The following CARMIL1 variants were observed in gnomAD, a reference collection of about 807,000 sequenced individuals.
The protein encoded by CARMIL1 is F-actin-uncapping protein LRRC16A.
A neutral mutation model predicts 177.1 loss-of-function variants in CARMIL1; 90 were observed. The observed-to-expected ratio is 0.51, with a 90% CI of 0.43 to 0.61. The LOEUF is 0.61. CARMIL1 is among the 20% of genes least tolerant of loss of function. The pLI, the probability that CARMIL1 is intolerant of heterozygous loss-of-function variation, is 0.00. For synonymous variants in CARMIL1, 577 were observed against 606.2 expected (o/e 0.95, Z 0.71); for missense variants, 1,380 against 1,667.0 (o/e 0.83, Z 3.00).
intron 2 of CARMIL1, among the ~76,000 whole-genome samples, chr6:25,370,903 C>A (rs1329381941): frequency 1.3e-5 from 2 of 151,460 alleles, no homozygotes; most frequent in Non-Finnish European, 2.9e-5. Context: ...TTTTTTTATC[C>A]CTCATCTCTC....
chr6:25,591,731 A>C (rs927873940), intron 31 of CARMIL1, among the ~76,000 whole-genome samples: 2 of 152,176 alleles, frequency 1.3e-5, no homozygotes, highest in Non-Finnish European at 2.9e-5. Context: ...TAACAGATGC[A>C]TTTTAAACCA....
At chr6:25,612,641 GC>G in intron 36 of CARMIL1, 1 of 573,434 alleles carries the variant, frequency 1.7e-6, no homozygotes, top group Non-Finnish European at 2.2e-6. Flanking sequence ...GGGTGGGTAA[GC>G]TGATATTTAA....
chr6:25,504,126 T>G (rs887851196), intron 17 of CARMIL1, among the ~76,000 whole-genome samples: 7 of 152,172 alleles, frequency 4.6e-5, no homozygotes, highest in African/African-American at 1.7e-4. Flanking sequence ...TGATCCAGAT[T>G]TAGTTCTTCT....
At chr6:25,310,466 A>C (rs1783707569) in intron 2 of CARMIL1, among the ~76,000 whole-genome samples, 1 of 152,220 alleles carries the variant, frequency 6.6e-6, no homozygotes, top group Non-Finnish European at 1.5e-5. Context: ...CTAAAATAGA[A>C]TAGTAGATGT....
rs149663004 is a variant in CARMIL1 at position 25,345,677 on chromosome 6, C to T, written c.138+60768C>T. ...TGTTGCCCAGGCTTGAGTGCAGTGG[C>T]GTGATTTCCGCTCACTGCAACCTCC... is the stretch of plus-strand genomic sequence containing the variant. On this transcript the variant is annotated intron_variant, in intron 2 of 36. Transcript: ENST00000329474. 6.5e-3 allele frequency among the ~76,000 whole-genome samples: 989 copies of T among 152,244 alleles called. 10 individuals are homozygous for T. Among genetic ancestry groups the T allele is most frequent in the African/African-American group, 0.022 (895 of 41,538 alleles).
chr6:25,497,742 G>A (rs1803881068), intron 16 of CARMIL1, among the ~76,000 whole-genome samples: 2 of 152,142 alleles, frequency 1.3e-5, no homozygotes. Flanking sequence ...TTTTGAGACA[G>A]CGCTTTAAGT....
At chr6:25,444,142 C>A (rs1170738033) in intron 5 of CARMIL1, among the ~76,000 whole-genome samples, 1 of 152,140 alleles carries the variant, frequency 6.6e-6, no homozygotes. Context: ...AGGTTTACCA[C>A]ATCAATTGAC....
intron 36 of CARMIL1, among the ~76,000 whole-genome samples, chr6:25,614,380 G>T (rs1024881759): frequency 2.6e-5 from 4 of 152,200 alleles, no homozygotes; most frequent in Admixed American, 2.6e-4. Context: ...TACTTTTATA[G>T]AGTATCCTAT....
At chr6:25,427,454 G>A (rs759632765) in intron 4 of CARMIL1, among the ~76,000 whole-genome samples, 2 of 152,040 alleles carry the variant, frequency 1.3e-5, no homozygotes, top group African/African-American at 2.4e-5. Context: ...TTATCCATTC[G>A]CCTGATGTGA....
At chr6:25,439,590 T>C (rs1208517657) in intron 5 of CARMIL1, among the ~76,000 whole-genome samples, 3 of 152,116 alleles carry the variant, frequency 2.0e-5, no homozygotes, top group Admixed American at 6.5e-5. Context: ...ATGCTGGGGC[T>C]GAATAAGCTG....
chr6:25,300,473 C>T (rs368932749), intron 2 of CARMIL1, among the ~76,000 whole-genome samples: 15 of 152,048 alleles, frequency 9.9e-5, no homozygotes, highest in African/African-American at 3.1e-4. Flanking sequence ...TCGAGACCAG[C>T]CTGGCCAACA....
Position 25,482,283 on chromosome 6 carries a change from G to T in CARMIL1, c.901G>T (p.Ala301Ser). 6.3e-7 allele frequency: 1 copy of T among 1,587,946 alleles called. No homozygotes were observed. Among genetic ancestry groups the T allele is most frequent in the Non-Finnish European group, 8.6e-7 (1 of 1,164,240 alleles). The change falls in exon 12 of 37, where the codon GCC becomes TCC. Residue 301 changes from alanine (A) to serine (S), a missense_variant. Ala to Ser is a moderately conservative substitution (Grantham distance 99). Coordinates refer to ENST00000329474, the MANE Select transcript of CARMIL1 (RefSeq NM_017640.6). ...TGTGTCCTCTTTAAGTATTCAATTT[G>T]CCAAACTCCCAAAGGGATTAAAGCA... is the stretch of plus-strand genomic sequence containing the variant. ...RGVSSLSIQFAKLPKGLKHLN... is the reference protein window; with the variant it reads ...RGVSSLSIQFSKLPKGLKHLN...
intron 8 of CARMIL1, among the ~76,000 whole-genome samples, chr6:25,453,468 G>C (rs775863025): frequency 5.9e-5 from 9 of 152,128 alleles, no homozygotes; most frequent in Non-Finnish European, 1.2e-4. Flanking sequence ...TTGATATATA[G>C]AGGAACATAC....
intron 31 of CARMIL1, among the ~76,000 whole-genome samples, chr6:25,593,246 A>C (rs1046945426): frequency 6.6e-6 from 1 of 152,122 alleles, no homozygotes; most frequent in Non-Finnish European, 1.5e-5. Context: ...CATCACCTCC[A>C]GATTACATTA....
intron 32 of CARMIL1, 80 bp downstream of exon 32, chr6:25,594,607 C>G: frequency 1.2e-6 from 1 of 812,072 alleles, no homozygotes; most frequent in Non-Finnish European, 2.0e-6. Context: ...ACTTAGTATA[C>G]TAAGTTTCAT....
At chr6:25,481,896 G>A (rs973475176) in intron 11 of CARMIL1, among the ~76,000 whole-genome samples, 1 of 152,108 alleles carries the variant, frequency 6.6e-6, no homozygotes, top group Non-Finnish European at 1.5e-5. Flanking sequence ...CTAGAAGAGC[G>A]ATCAACTCAT....
intron 2 of CARMIL1, among the ~76,000 whole-genome samples, chr6:25,345,374 G>T (rs1457905686): frequency 2.0e-5 from 3 of 152,088 alleles, no homozygotes; most frequent in Non-Finnish European, 4.4e-5. Context: ...TCTACTCTCA[G>T]TGCTTTAAAT....
At chr6:25,452,290 C>A in intron 8 of CARMIL1, 1 of 750,240 alleles carries the variant, frequency 1.3e-6, no homozygotes, top group South Asian at 1.4e-5. Context: ...TTTATACTTT[C>A]AAATTTAGAC....
intron 2 of CARMIL1, among the ~76,000 whole-genome samples, chr6:25,406,948 G>A (rs1794427519): frequency 8.0e-6 from 1 of 124,286 alleles, no homozygotes; most frequent in Admixed American, 7.8e-5. Context: ...GATTGGACAT[G>A]TGACTAGGAA....
Sources: allele counts gnomAD v4.1 joint callset (sites outside exome capture counted in the v4.1 genomes callset), GRCh38; gene constraint gnomAD v4.1.1; transcripts MANE v1.5; gene names NCBI Gene and HGNC (gene_info 2026-07-23, HGNC 2026-07-21).